Variants in SPIRE1 observed in about 807,000 individuals in gnomAD.
SPIRE1 encodes protein spire homolog 1.
SPIRE1 carries 40 observed loss-of-function variants against 94.1 expected under a neutral mutation model. That is an observed-to-expected ratio of 0.43 (90% confidence interval 0.33 to 0.55). The LOEUF (loss-of-function observed/expected upper bound fraction) is 0.55, where lower values mean the gene tolerates loss of function less well. Ranked by LOEUF, SPIRE1 falls within the 20% of genes least tolerant of loss-of-function variation. The probability of loss-of-function intolerance (pLI) is 0.06; values close to 1 mark genes in which losing one functional copy is unlikely to be tolerated. For synonymous variants in SPIRE1, 376 were observed against 371.7 expected, an observed-to-expected ratio of 1.01 and a Z score of -0.13; for missense variants, 838 against 975.2, an observed-to-expected ratio of 0.86 and a Z score of 1.87.
At chr18:12,529,461 G>T (rs1283307401) in intron 4 of SPIRE1, among the ~76,000 whole-genome samples, 1 of 152,078 alleles carries the variant, frequency 6.6e-6, no homozygotes, top group Non-Finnish European at 1.5e-5. Flanking sequence ...TGAAGGGTGT[G>T]AGTGAAAAAA....
chr18:12,463,535 T>C (rs1031794618), intron 11 of SPIRE1, 42 bp from the exon 12 acceptor site: 2 of 1,543,788 alleles, frequency 1.3e-6, no homozygotes, highest in Non-Finnish European at 1.8e-6. Flanking sequence ...CTGTGAATTT[T>C]CTAACACAAA....
At chr18:12,548,710 T>G (rs990537860) in intron 2 of SPIRE1, among the ~76,000 whole-genome samples, 1 of 151,694 alleles carries the variant, frequency 6.6e-6, no homozygotes, top group African/African-American at 2.4e-5. Context: ...CTCCTTGGGC[T>G]GAGATGATCC....
chr18:12,507,183 G>A (rs2033864845), intron 5 of SPIRE1, among the ~76,000 whole-genome samples: 1 of 152,202 alleles, frequency 6.6e-6, no homozygotes, highest in Admixed American at 6.5e-5. Flanking sequence ...AGACCCATGA[G>A]TTAGTAAGTG....
At chr18:12,637,358 C>CAAAA (rs55649398) in intron 1 of SPIRE1, among the ~76,000 whole-genome samples, 6 of 101,830 alleles carry the variant, frequency 5.9e-5, no homozygotes, top group South Asian at 3.1e-4. Context: ...GACTCTGTCT[C>CAAAA]AAAAAAAAAA....
chr18:12,501,120 T>C (rs2033650372), intron 6 of SPIRE1, among the ~76,000 whole-genome samples: 1 of 141,370 alleles, frequency 7.1e-6, no homozygotes, highest in Non-Finnish European at 1.5e-5. Context: ...AGGAGCAAAG[T>C]ACCTCAGCAT....
intron 2 of SPIRE1, among the ~76,000 whole-genome samples, chr18:12,571,687 C>A (rs775011308): frequency 7.9e-5 from 12 of 152,196 alleles, no homozygotes; most frequent in Non-Finnish European, 1.5e-4. Context: ...TGTAATCCCA[C>A]ATCTAATAAA....
At chr18:12,575,324 G>C (rs1427567137) in intron 2 of SPIRE1, among the ~76,000 whole-genome samples, 2 of 151,774 alleles carry the variant, frequency 1.3e-5, no homozygotes, top group East Asian at 3.9e-4. Context: ...AAATAAAAAA[G>C]CTAGTCGTTT....
In SPIRE1 at chr18:12,452,259, C is replaced by A; in HGVS notation, c.2008G>T (p.Ala670Ser). 1.2e-6 allele frequency: 2 copies of A among 1,613,748 alleles called. No individual in the cohort carries two copies. The change falls in exon 16 of 17, where the codon GCC becomes TCC. Residue 670 changes from alanine (A) to serine (S), a missense_variant. Physicochemically the swap from Ala to Ser is moderately conservative, Grantham distance 99. Transcript: ENST00000409402. ...TAHHRPLRSI[A>S]RFSSKSKSMD... is the part of the protein sequence containing the mutation. ...CAACCCAGGCCCCTTGCTCACCTGG[C>A]AATGCTCCGAAGTGGCCGATGATGG...
At chr18:12,455,004 T>G (rs541880613) in intron 12 of SPIRE1, among the ~76,000 whole-genome samples, 3 of 151,950 alleles carry the variant, frequency 2.0e-5, no homozygotes, top group African/African-American at 7.2e-5. Context: ...GATGCGATCA[T>G]GGGTCACTGC....
chr18:12,555,321 T>C (rs1461831703), intron 2 of SPIRE1, among the ~76,000 whole-genome samples: 4 of 151,758 alleles, frequency 2.6e-5, no homozygotes, highest in Admixed American at 2.6e-4. Flanking sequence ...AAAAAAAAAT[T>C]TTTTTTTGGA....
chr18:12,625,303 T>A (rs1451480561), intron 2 of SPIRE1, among the ~76,000 whole-genome samples: 2 of 152,180 alleles, frequency 1.3e-5, no homozygotes, highest in African/African-American at 4.8e-5. Context: ...CAGGTGTGTT[T>A]GGGGTCTTTA....
At chr18:12,568,718 T>C (rs943105790) in intron 2 of SPIRE1, among the ~76,000 whole-genome samples, 2 of 152,242 alleles carry the variant, frequency 1.3e-5, no homozygotes. Flanking sequence ...TCTTTATATC[T>C]TCACATTATT....
chr18:12,461,566 T>TATGTACGTACATACATATGTGTG (rs2031851904), intron 12 of SPIRE1, among the ~76,000 whole-genome samples: 1 of 135,502 alleles, frequency 7.4e-6, no homozygotes, highest in African/African-American at 3.1e-5. Context: ...TGCGTGTATA[T>TATGTACGTACATACATATGTGTG]GTATGTACAT....
At chr18:12,552,629 G>C (rs753114317) in intron 2 of SPIRE1, among the ~76,000 whole-genome samples, 2 of 151,998 alleles carry the variant, frequency 1.3e-5, no homozygotes, top group Non-Finnish European at 2.9e-5. Flanking sequence ...TTGGTTATTT[G>C]CATAAAAAAA....
chr18:12,454,637 C>CA, intron 12 of SPIRE1, 154 bp from the exon 13 acceptor site: 1 of 646,834 alleles, frequency 1.5e-6, no homozygotes. Flanking sequence ...CTCTGGGGAC[C>CA]ACATCATTTC....
At chr18:12,606,593 C>T (rs936166151) in intron 2 of SPIRE1, among the ~76,000 whole-genome samples, 8 of 151,140 alleles carry the variant, frequency 5.3e-5, no homozygotes, top group Non-Finnish European at 1.0e-4. Flanking sequence ...TGCGGTAGCA[C>T]GATCTTGGCT....
intron 10 of SPIRE1, among the ~76,000 whole-genome samples, chr18:12,474,651 A>C (rs1389523321): frequency 2.6e-5 from 4 of 152,076 alleles, no homozygotes; most frequent in Non-Finnish European, 5.9e-5. Context: ...GTGAAACCCT[A>C]TCTCTACTAA....
At chr18:12,456,634 CT>C (rs1409431162) in intron 12 of SPIRE1, among the ~76,000 whole-genome samples, 2 of 152,114 alleles carry the variant, frequency 1.3e-5, no homozygotes, top group Non-Finnish European at 2.9e-5. Flanking sequence ...ACTTAACTGA[CT>C]TTATGATGTG....
chr18:12,476,742 C>T (rs2032619730), intron 10 of SPIRE1, among the ~76,000 whole-genome samples: 1 of 150,966 alleles, frequency 6.6e-6, no homozygotes, highest in South Asian at 2.1e-4. Context: ...AAGGCATTCC[C>T]ACATTTAATA....
Sources: allele counts gnomAD v4.1 joint callset (sites outside exome capture counted in the v4.1 genomes callset), GRCh38; gene constraint gnomAD v4.1.1; transcripts MANE v1.5; gene names NCBI Gene and HGNC (gene_info 2026-07-23, HGNC 2026-07-21).